Variants in CNTN5 observed in about 807,000 individuals in gnomAD.
CNTN5 encodes the protein contactin 5, also known as contactin-5.
A neutral mutation model predicts 129.1 loss-of-function variants in CNTN5; 77 were observed. That is an observed-to-expected ratio of 0.60 (90% confidence interval 0.50 to 0.72). CNTN5 has a LOEUF of 0.72. Ranked by LOEUF, CNTN5 falls within the 30% of genes least tolerant of loss-of-function variation. The pLI is 0.00. For synonymous variants in CNTN5, 509 were observed against 465.6 expected, an observed-to-expected ratio of 1.09 and a Z score of -1.20; for missense variants, 1,478 against 1,328.8, an observed-to-expected ratio of 1.11 and a Z score of -1.75.
At chr11:99,291,868 G>GA (rs933941870) in intron 1 of CNTN5, among the ~76,000 whole-genome samples, 2 of 151,430 alleles carry the variant, frequency 1.3e-5, no homozygotes, top group Non-Finnish European at 3.0e-5. Context: ...TTCATACAAA[G>GA]AAAAAAAAGC....
intron 2 of CNTN5, among the ~76,000 whole-genome samples, chr11:99,549,295 A>G (rs1330976772): frequency 6.6e-6 from 1 of 151,926 alleles, no homozygotes; most frequent in Non-Finnish European, 1.5e-5. Flanking sequence ...CATAGTTTAG[A>G]CCTGAAAATT....
intron 3 of CNTN5, among the ~76,000 whole-genome samples, chr11:99,568,993 A>G (rs1309167229): frequency 6.6e-6 from 1 of 152,182 alleles, no homozygotes; most frequent in Non-Finnish European, 1.5e-5. Context: ...TTAGTTAAAT[A>G]TCAATGAAGT....
intron 1 of CNTN5, among the ~76,000 whole-genome samples, chr11:99,123,334 A>G (rs1444134435): frequency 1.3e-5 from 2 of 152,046 alleles, no homozygotes; most frequent in Non-Finnish European, 2.9e-5. Context: ...TGATGGCCAC[A>G]TGTATGTCTT....
intron 3 of CNTN5, among the ~76,000 whole-genome samples, chr11:99,777,089 T>A (rs1377797845): frequency 6.6e-6 from 1 of 151,942 alleles, no homozygotes; most frequent in Non-Finnish European, 1.5e-5. Context: ...GTAGCCATAT[T>A]TGATTATTAT....
chr11:99,675,430 C>G (rs375265432), intron 3 of CNTN5, among the ~76,000 whole-genome samples: 1 of 152,094 alleles, frequency 6.6e-6, no homozygotes, highest in South Asian at 2.1e-4. Flanking sequence ...CACCTGTAAT[C>G]CTAGCACTTT....
chr11:99,806,827 A>G (rs1386701739), intron 3 of CNTN5, among the ~76,000 whole-genome samples: 1 of 151,714 alleles, frequency 6.6e-6, no homozygotes, highest in African/African-American at 2.4e-5. Flanking sequence ...AAAAAAAAAA[A>G]AAAATAGATA....
chr11:100,067,979 A>G (rs1943760531), intron 10 of CNTN5, among the ~76,000 whole-genome samples: 1 of 152,098 alleles, frequency 6.6e-6, no homozygotes, highest in African/African-American at 2.4e-5. Flanking sequence ...GTTTTCTCAG[A>G]TGTCAAATCT....
In CNTN5 at chr11:99,122,530, C is replaced by T. The variant is rs140307907; in HGVS notation, c.-210+101260C>T. Among the ~76,000 whole-genome samples, 1,164 of 151,798 alleles carry T rather than the reference C, an allele frequency of 7.7e-3. 10 individuals are homozygous for T. The highest frequency in any genetic ancestry group is 0.035 in the South Asian group (167 of 4,816). ...TAAAGTTAATTTTTTTATATAGCAG[C>T]AGCAGCAACATTATTATTTTTTTAA... is the stretch of plus-strand genomic sequence containing the variant. On this transcript the variant is annotated intron_variant, in intron 1 of 24. Transcript: ENST00000524871.
intron 1 of CNTN5, among the ~76,000 whole-genome samples, chr11:99,139,559 A>C (rs1291538363): frequency 1.3e-5 from 2 of 152,200 alleles, no homozygotes; most frequent in East Asian, 3.8e-4. Context: ...AGAGCATGTT[A>C]ATAGCACTTA....
chr11:100,250,061 A>G (rs1313505800), intron 16 of CNTN5, among the ~76,000 whole-genome samples: 1 of 152,070 alleles, frequency 6.6e-6, no homozygotes, highest in East Asian at 1.9e-4. Context: ...TTTCAGATTT[A>G]CCATCATTTA....
At chr11:99,792,412 T>A (rs924713791) in intron 3 of CNTN5, among the ~76,000 whole-genome samples, 1 of 152,152 alleles carries the variant, frequency 6.6e-6, no homozygotes, top group African/African-American at 2.4e-5. Context: ...TTGCATATGT[T>A]GAACCCACCT....
At chr11:99,209,767 G>T (rs1330551281) in intron 1 of CNTN5, among the ~76,000 whole-genome samples, 3 of 152,112 alleles carry the variant, frequency 2.0e-5, no homozygotes, top group African/African-American at 7.2e-5. Context: ...AGATCAGAAC[G>T]TAATTTACTA....
intron 1 of CNTN5, among the ~76,000 whole-genome samples, chr11:99,065,728 G>A (rs2135229063): frequency 6.6e-6 from 1 of 151,042 alleles, no homozygotes; most frequent in East Asian, 1.9e-4. Context: ...TACAAACACA[G>A]AGGCCTCATT....
intron 13 of CNTN5, among the ~76,000 whole-genome samples, chr11:100,168,131 G>T (rs898422613): frequency 3.9e-5 from 6 of 151,972 alleles, no homozygotes; most frequent in Admixed American, 3.3e-4. Flanking sequence ...GTTGGTTCAT[G>T]AGGTTGAAGA....
chr11:99,567,001 A>G (rs1256214952), intron 3 of CNTN5, among the ~76,000 whole-genome samples: 1 of 152,238 alleles, frequency 6.6e-6, no homozygotes, highest in South Asian at 2.1e-4. Flanking sequence ...AGGTATATTT[A>G]TATCTTTTCC....
At chr11:99,739,514 G>T (rs1436004024) in intron 3 of CNTN5, among the ~76,000 whole-genome samples, 2 of 152,020 alleles carry the variant, frequency 1.3e-5, no homozygotes. Flanking sequence ...CATCCATTTT[G>T]AAGGAATAAG....
chr11:99,571,350 G>A (rs1949168972), intron 3 of CNTN5, among the ~76,000 whole-genome samples: 1 of 152,132 alleles, frequency 6.6e-6, no homozygotes. Context: ...TAGAATAAGG[G>A]AGAGGTTAGA....
At chr11:99,934,894 GTGTGTATATA>G (rs1950274062) in intron 7 of CNTN5, among the ~76,000 whole-genome samples, 1 of 8,274 alleles carries the variant, frequency 1.2e-4, no homozygotes, top group African/African-American at 4.3e-4. Flanking sequence ...GTGTGTGTGT[GTGTGTATATA>G]TATATATATA....
chr11:99,801,959 C>A (rs540572726), intron 3 of CNTN5, among the ~76,000 whole-genome samples: 1 of 152,114 alleles, frequency 6.6e-6, no homozygotes, highest in Non-Finnish European at 1.5e-5. Context: ...TTTTATGGTG[C>A]CAGAATTCTG....
Sources: gnomAD v4.1 joint callset for allele counts (sites outside exome capture counted in the v4.1 genomes callset) on GRCh38, gnomAD v4.1.1 for gene constraint, MANE v1.5 for transcripts, NCBI Gene and HGNC (gene_info 2026-07-23, HGNC 2026-07-21) for gene names.